Variants in XKR9 observed in about 807,000 individuals in gnomAD.
The protein encoded by XKR9 is XK related 9, also known as XK-related protein 9.
XKR9 carries 32 observed loss-of-function variants against 32.0 expected under a neutral mutation model. The observed-to-expected ratio is 1.00, with a 90% CI of 0.76 to 1.34. The LOEUF is 1.34. Ranked by LOEUF, XKR9 falls within the 40% of genes most tolerant of loss-of-function variation. XKR9 has a pLI of 0.00. For synonymous variants in XKR9, 168 were observed against 143.4 expected, an observed-to-expected ratio of 1.17 and a Z score of -1.22; for missense variants, 546 against 429.7, an observed-to-expected ratio of 1.27 and a Z score of -2.39.
chr8:70,718,311 T>G (rs986795763), intron 4 of XKR9, among the ~76,000 whole-genome samples: 2 of 132,482 alleles, frequency 1.5e-5, no homozygotes, highest in Admixed American at 1.5e-4. Context: ...ATTATTTATT[T>G]ATTTTTGTTT....
At chr8:70,685,355 G>A in intron 3 of XKR9, among the ~76,000 whole-genome samples, 1 of 93,544 alleles carries the variant, frequency 1.1e-5, no homozygotes, top group Non-Finnish European at 1.9e-5. Context: ...TGGGGTGGGG[G>A]GAGGGGGGAG....
the XKR9 span, among the ~76,000 whole-genome samples, chr8:70,812,598 A>G: frequency 6.6e-6 from 1 of 152,242 alleles, no homozygotes; most frequent in Non-Finnish European, 1.5e-5. Flanking sequence ...GCAAAGTCTC[A>G]GGATACAAAA....
At chr8:71,010,677 TG>T in the XKR9 span, among the ~76,000 whole-genome samples, 3 of 152,166 alleles carry the variant, frequency 2.0e-5, no homozygotes, top group Non-Finnish European at 2.9e-5. Context: ...GATTGCAAAG[TG>T]GGGGCCCTTT....
chr8:70,677,934 G>A (rs954089845), intron 2 of XKR9: 1 of 152,160 alleles, frequency 6.6e-6, no homozygotes, highest in African/African-American at 2.4e-5. Context: ...TTTTAAGAAT[G>A]ATATTAGAAC....
the XKR9 span, among the ~76,000 whole-genome samples, chr8:70,956,970 C>G: frequency 1.3e-5 from 2 of 151,956 alleles, no homozygotes; most frequent in Admixed American, 6.5e-5. Flanking sequence ...CTCACCAACT[C>G]GATAGGGGGG....
At chr8:71,001,662 A>G in the XKR9 span, among the ~76,000 whole-genome samples, 5 of 152,208 alleles carry the variant, frequency 3.3e-5, no homozygotes, top group East Asian at 5.8e-4. Context: ...AGAGTTAGTT[A>G]GCATTTAGCT....
chr8:70,907,677 A>G, the XKR9 span, among the ~76,000 whole-genome samples: 1 of 152,236 alleles, frequency 6.6e-6, no homozygotes, highest in Non-Finnish European at 1.5e-5. Flanking sequence ...AGATACCACA[A>G]TAATCATTTC....
chr8:70,852,386 A>T, the XKR9 span, among the ~76,000 whole-genome samples: 1 of 152,230 alleles, frequency 6.6e-6, no homozygotes, highest in African/African-American at 2.4e-5. Flanking sequence ...TTCCTCAAGG[A>T]TCTAGAACTA....
chr8:70,877,724 T>G, the XKR9 span, among the ~76,000 whole-genome samples: 2 of 152,152 alleles, frequency 1.3e-5, no homozygotes, highest in Admixed American at 6.6e-5. Flanking sequence ...TGGAACCAAG[T>G]TGGAAAACAC....
the XKR9 span, among the ~76,000 whole-genome samples, chr8:70,930,246 T>A: frequency 6.6e-6 from 1 of 152,174 alleles, no homozygotes; most frequent in Admixed American, 6.5e-5. Flanking sequence ...TTTAATGCTC[T>A]GGTTAAGATG....
At chr8:70,941,757 A>T in the XKR9 span, among the ~76,000 whole-genome samples, 1 of 152,080 alleles carries the variant, frequency 6.6e-6, no homozygotes, top group Non-Finnish European at 1.5e-5. Flanking sequence ...AATGTTTTCC[A>T]TCTTTCTAGA....
chr8:70,914,171 C>T, the XKR9 span, among the ~76,000 whole-genome samples: 1 of 152,132 alleles, frequency 6.6e-6, no homozygotes, highest in Non-Finnish European at 1.5e-5. Flanking sequence ...CTCAAGTGAT[C>T]CTTCTGCCTC....
At chr8:71,061,562 G>T in the XKR9 span, among the ~76,000 whole-genome samples, 1 of 152,064 alleles carries the variant, frequency 6.6e-6, no homozygotes, top group African/African-American at 2.4e-5. Context: ...TCACCAAATG[G>T]TTTCTTTCAA....
intron 2 of XKR9, among the ~76,000 whole-genome samples, chr8:70,767,343 T>G (rs1037931706): frequency 6.6e-6 from 1 of 152,084 alleles, no homozygotes. Context: ...TGTATCTGTC[T>G]AGGAATTTAT....
intron 2 of XKR9, among the ~76,000 whole-genome samples, chr8:70,773,341 CAAT>C: frequency 6.6e-6 from 1 of 152,280 alleles, no homozygotes; most frequent in African/African-American, 2.4e-5. Context: ...TTGGTTCTGT[CAAT>C]GATGGATTCT....
chr8:70,689,390 A>G (rs1819428454), intron 3 of XKR9, among the ~76,000 whole-genome samples: 1 of 151,048 alleles, frequency 6.6e-6, no homozygotes, highest in Non-Finnish European at 1.5e-5. Context: ...TACCTTGTTC[A>G]TCAGAGTATG....
At chr8:70,776,466 G>C (rs1323122127) in intron 2 of XKR9, among the ~76,000 whole-genome samples, 1 of 152,018 alleles carries the variant, frequency 6.6e-6, no homozygotes, top group Non-Finnish European at 1.5e-5. Context: ...TCTTTCATGA[G>C]CTGTCTGGTT....
intron 2 of XKR9, chr8:70,780,795 C>G (rs1249908595): frequency 9.9e-5 from 15 of 152,090 alleles, no homozygotes; most frequent in Admixed American, 6.6e-4. Flanking sequence ...AAGGAACTGT[C>G]AAATTAATTC....
At chr8:70,683,272 A>G (rs987735951) in intron 3 of XKR9, among the ~76,000 whole-genome samples, 2 of 152,134 alleles carry the variant, frequency 1.3e-5, no homozygotes, top group African/African-American at 4.8e-5. Flanking sequence ...TAATTTAAAG[A>G]CCTCAAAACA....
Sources: allele counts gnomAD v4.1 joint callset (sites outside exome capture counted in the v4.1 genomes callset), GRCh38; gene constraint gnomAD v4.1.1; transcripts MANE v1.5; gene names NCBI Gene and HGNC (gene_info 2026-07-23, HGNC 2026-07-21).